UNC13A: variants seen among roughly 807,000 people sequenced by gnomAD.
The protein encoded by UNC13A is unc-13 homolog A, also known as protein unc-13 homolog A.
A neutral mutation model predicts 219.7 loss-of-function variants in UNC13A; 61 were observed. The observed-to-expected ratio is 0.28, with a 90% CI of 0.23 to 0.34. UNC13A has a LOEUF of 0.34. Ranked by LOEUF, UNC13A falls within the 10% of genes least tolerant of loss-of-function variation. The pLI, the probability that UNC13A is intolerant of heterozygous loss-of-function variation, is 1.00. For synonymous variants in UNC13A, 920 were observed against 884.6 expected (o/e 1.04, Z -0.71); for missense variants, 1,476 against 2,270.3 (o/e 0.65, Z 7.11).
intron 21 of UNC13A, 134 bp from the exon 22 acceptor site, chr19:17,640,795 G>A: frequency 1.1e-6 from 1 of 910,910 alleles, no homozygotes; most frequent in Non-Finnish European, 1.6e-6. Context: ...GCCTGATTCT[G>A]TCCTTTGGGT....
At chr19:17,673,357 C>CAAAA (rs369463898) in intron 3 of UNC13A, among the ~76,000 whole-genome samples, 2 of 102,772 alleles carry the variant, frequency 1.9e-5, no homozygotes, top group African/African-American at 7.1e-5. Flanking sequence ...AACTCAGTCT[C>CAAAA]AAAAAAAAAA....
intron 36 of UNC13A, among the ~76,000 whole-genome samples, chr19:17,622,164 A>ATT (rs1337706864): frequency 2.6e-5 from 4 of 152,238 alleles, no homozygotes; most frequent in Non-Finnish European, 4.4e-5. Flanking sequence ...CACTGCCAAA[A>ATT]TATAATCCAT....
intron 1 of UNC13A, among the ~76,000 whole-genome samples, chr19:17,686,200 T>C (rs984301027): frequency 2.0e-5 from 3 of 150,694 alleles, no homozygotes; most frequent in South Asian, 4.2e-4. Flanking sequence ...CGTCTCTGTT[T>C]CTGGAAGCCT....
chr19:17,609,060 C>T (rs1018270261), intron 43 of UNC13A, among the ~76,000 whole-genome samples: 3 of 150,094 alleles, frequency 2.0e-5, no homozygotes, highest in African/African-American at 4.9e-5. Context: ...CGGACTCAAG[C>T]GATTCTTCTG....
intron 8 of UNC13A, among the ~76,000 whole-genome samples, chr19:17,662,115 C>T (rs926186199): frequency 1.1e-4 from 17 of 152,068 alleles, no homozygotes; most frequent in South Asian, 4.2e-4. Flanking sequence ...TGGTGGCACG[C>T]GCCTGTAATC....
rs756752426 is a variant in UNC13A, at chr19:17,606,328, T to C, written c.4838A>G (p.Glu1613Gly). 6.5e-7 allele frequency: 1 copy of C among 1,547,696 alleles called. No individual in the cohort carries two copies. Among genetic ancestry groups the C allele is most frequent in the Non-Finnish European group, 8.7e-7 (1 of 1,147,472 alleles). The part of the protein sequence containing the change: ...QFTLSADAGP[E>G]CYELQVCVKD... ...GACGCACACCTGCAGCTCATAGCAC[T>C]CGGGACCCGCGTCGGCGCTCAGCGT... Residue 1613 changes from glutamate (E) to glycine (G), a missense_variant, in exon 44 of 44, where the codon GAG becomes GGG. Coordinates refer to ENST00000519716, the MANE Select transcript of UNC13A (RefSeq NM_001080421.3).
chr19:17,620,862 C>T, intron 37 of UNC13A, 140 bp from the exon 38 acceptor site: 2 of 942,076 alleles, frequency 2.1e-6, no homozygotes, highest in African/African-American at 1.6e-5. Context: ...AATGGTGGGC[C>T]CCCTCCCCAG....
intron 26 of UNC13A, among the ~76,000 whole-genome samples, chr19:17,634,971 C>T (rs1016879985): frequency 6.6e-6 from 1 of 151,848 alleles, no homozygotes; most frequent in Admixed American, 6.6e-5. Context: ...CCTGGGTTCA[C>T]GCCATTCTCC....
At chr19:17,608,290 T>C (rs2076556977) in intron 43 of UNC13A, among the ~76,000 whole-genome samples, 1 of 139,864 alleles carries the variant, frequency 7.1e-6, no homozygotes, top group African/African-American at 2.6e-5. Context: ...ATATATAATA[T>C]AATATATACT....
At chr19:17,673,869 G>A (rs2145912195) in intron 3 of UNC13A, among the ~76,000 whole-genome samples, 1 of 151,986 alleles carries the variant, frequency 6.6e-6, no homozygotes, top group East Asian at 1.9e-4. Flanking sequence ...AAATTAGCCG[G>A]GTGTGGTGGC....
Position 17,680,049 on chromosome 19 carries a change from G to A in UNC13A, c.23-4008C>T, listed in dbSNP as rs557292316. Among the ~76,000 whole-genome samples, 4 of 152,108 alleles carry A rather than the reference G, an allele frequency of 2.6e-5. No individual in the cohort carries two copies. In the East Asian group the frequency reaches 7.8e-4, roughly 29 times the overall value. On this transcript the variant is annotated intron_variant, in intron 1 of 43. Transcript: ENST00000519716. The stretch of plus-strand genomic sequence containing the variant: ...CTCCCAGTGGGAGAGGGGTCTCAGA[G>A]GGAAAAGGGGACAGGAAAGGGGGCC...
In UNC13A at chr19:17,642,972, A is replaced by G. The variant is rs1166114527; in HGVS notation, c.2357-12T>C. On this transcript the variant is annotated splice_polypyrimidine_tract_variant and intron_variant, in intron 19 of 43. Transcript: ENST00000519716. ...GTCAGTTCGCTTGTCTGCAGGGCAGAAAAAGAAGACAGTGTCAGAACTTCC... is the reference window on the plus strand; with the variant it reads ...GTCAGTTCGCTTGTCTGCAGGGCAGGAAAAGAAGACAGTGTCAGAACTTCC... The G allele has an allele frequency of 3.8e-6, 6 of 1,591,216 alleles. No homozygotes were observed. Among genetic ancestry groups the G allele is most frequent in the Non-Finnish European group, 4.3e-6 (5 of 1,168,178 alleles).
At chr19:17,651,619 CA>C (rs1443791991) in intron 12 of UNC13A, among the ~76,000 whole-genome samples, 6 of 152,312 alleles carry the variant, frequency 3.9e-5, no homozygotes, top group Middle Eastern at 3.4e-3. Context: ...AAGCTTTCTG[CA>C]GGAGCCAACT....
intron 28 of UNC13A, among the ~76,000 whole-genome samples, chr19:17,631,052 C>T (rs1396075677): frequency 6.7e-6 from 1 of 149,416 alleles, no homozygotes; most frequent in Non-Finnish European, 1.5e-5. Flanking sequence ...GTCCTCCGTC[C>T]ATCCTTCCCT....
At chr19:17,626,580 T>A in intron 34 of UNC13A, 53 bp downstream of exon 34, 1 of 1,482,970 alleles carries the variant, frequency 6.7e-7, no homozygotes. Flanking sequence ...TGGGTCTCTA[T>A]GGCCCTGCCC....
intron 1 of UNC13A, among the ~76,000 whole-genome samples, chr19:17,682,324 G>A (rs1356926175): frequency 6.6e-6 from 1 of 152,130 alleles, no homozygotes; most frequent in Non-Finnish European, 1.5e-5. Context: ...CATGCCAGGG[G>A]CTCTGCAAGC....
At chr19:17,666,568 A>G (rs2079651008) in intron 7 of UNC13A, 82 bp downstream of exon 7, 2 of 1,083,630 alleles carry the variant, frequency 1.8e-6, no homozygotes, top group South Asian at 5.3e-5. Context: ...GGACTGGAGG[A>G]GCCTTTAGAC....
At chr19:17,652,384 G>A (rs2079365161) in intron 12 of UNC13A, among the ~76,000 whole-genome samples, 1 of 151,988 alleles carries the variant, frequency 6.6e-6, no homozygotes, top group African/African-American at 2.4e-5. Context: ...CTCCCGCCTC[G>A]GCCTCCCAAA....
At chr19:17,647,729 C>A (rs1334104410) in intron 16 of UNC13A, among the ~76,000 whole-genome samples, 1 of 151,732 alleles carries the variant, frequency 6.6e-6, no homozygotes, top group East Asian at 1.9e-4. Context: ...TGCCCCGCAC[C>A]CCTTGGAGTC....
Sources: gnomAD v4.1 joint callset for allele counts (sites outside exome capture counted in the v4.1 genomes callset) on GRCh38, gnomAD v4.1.1 for gene constraint, MANE v1.5 for transcripts, NCBI Gene and HGNC (gene_info 2026-07-23, HGNC 2026-07-21) for gene names.